SEH1L: variants seen among roughly 807,000 people sequenced by gnomAD.
SEH1L encodes SEH1 like nucleoporin.
SEH1L carries 18 observed loss-of-function variants against 49.5 expected under a neutral mutation model. The observed-to-expected ratio is 0.36, with a 90% CI of 0.25 to 0.54. The LOEUF is 0.54. SEH1L is among the 20% of genes least tolerant of loss of function. The probability of loss-of-function intolerance (pLI) is 0.87; values close to 1 mark genes in which losing one functional copy is unlikely to be tolerated. For missense variants in SEH1L, 404 were observed against 528.8 expected, an observed-to-expected ratio of 0.76 and a Z score of 2.31; for synonymous variants, 169 against 178.1, an observed-to-expected ratio of 0.95 and a Z score of 0.41.
rs2031128049 is a variant in SEH1L, at chr18:12,960,619, G to C, written c.310-2541G>C. Among the ~76,000 whole-genome samples, 3 of 152,318 alleles carry C rather than the reference G, an allele frequency of 2.0e-5. No homozygotes were observed. The South Asian group carries it at 6.2e-4, about 32-fold the overall frequency. On this transcript the variant is annotated intron_variant, in intron 3 of 8. Coordinates refer to ENST00000399892, the MANE Select transcript of SEH1L (RefSeq NM_001013437.2). The stretch of plus-strand genomic sequence containing the variant: ...CACTAGGGCTTCCCTAAGCCAAACA[G>C]CTGCTTATGGGGAGGAAGGAATAGA...
chr18:12,973,446 C>G (rs543228124), intron 5 of SEH1L: 1 of 152,024 alleles, frequency 6.6e-6, no homozygotes, highest in African/African-American at 2.4e-5. Context: ...ATTACAAGTG[C>G]GTGCCACCAC....
rs371893373 is a variant in SEH1L, at chr18:12,963,407, G to A, written c.521+36G>A. 11 of 1,506,174 alleles carry A rather than the reference G, an allele frequency of 7.3e-6. No homozygotes were observed. In the African/African-American group the frequency reaches 1.5e-4, roughly 21 times the overall value. 93.3% of individuals were successfully genotyped at this position (1,506,174 alleles called of 1,614,324 possible). On this transcript the variant is annotated intron_variant, in intron 4 of 8. Transcript: ENST00000399892. Reference sequence around the variant, plus strand: ...ATATTAAACCTCTGATAACATCCTAGTAAAATAAACTAGTAACTTTTAAGC... The same window carrying A: ...ATATTAAACCTCTGATAACATCCTAATAAAATAAACTAGTAACTTTTAAGC...
At chr18:12,982,761 G>A (rs12955780) in intron 7 of SEH1L, 86 bp downstream of exon 7, 693,306 of 1,074,268 alleles carry the variant, frequency 0.65, 229,307 homozygotes, top group African/African-American at 0.93. Flanking sequence ...AATATTTTTT[G>A]AAAATGGTCT....
Position 12,948,161 on chromosome 18 carries a change from C to T in SEH1L, c.40C>T (p.Leu14Phe). ...ARSIAADHKD[L>F]IHDVSFDFHG... ...CAGCATCGCGGCGGACCACAAGGAT[C>T]TCATCCACGATGTCTCTTTCGACTT... is the stretch of plus-strand genomic sequence containing the variant. Residue 14 changes from leucine to phenylalanine, a missense_variant, in exon 1 of 9, where the codon CTC becomes TTC. By Grantham distance (22) the Leu-to-Phe change is conservative (BLOSUM62 0). Around this residue, in one of 3 missense-constraint regions of SEH1L, gnomAD observed 57 missense variants for 71.9 expected, o/e 0.79. Coordinates refer to ENST00000399892, the MANE Select transcript of SEH1L (RefSeq NM_001013437.2). The T allele has an allele frequency of 6.2e-7, 1 of 1,611,156 alleles. No individual in the cohort carries two copies. Among genetic ancestry groups the T allele is most frequent in the Non-Finnish European group, 8.5e-7 (1 of 1,179,182 alleles).
chr18:12,975,603 CAG>C (rs879325340), intron 5 of SEH1L: 110 of 558,776 alleles, frequency 2.0e-4, no homozygotes, highest in South Asian at 9.4e-4. Context: ...AGGAGAGAGA[CAG>C]GGGAGGGGCA....
At chr18:12,951,969 C>T in intron 2 of SEH1L, 64 bp downstream of exon 2, 2 of 913,102 alleles carry the variant, frequency 2.2e-6, no homozygotes, top group South Asian at 3.3e-5. Flanking sequence ...TTATAGTTAT[C>T]TATGAATTGT....
At chr18:12,986,814 C>CTTT in intron 8 of SEH1L, 48 bp from the exon 9 acceptor site, 1 of 913,810 alleles carries the variant, frequency 1.1e-6, no homozygotes, top group Non-Finnish European at 1.3e-6. Context: ...TTTTTTTTTT[C>CTTT]CTGTTTTTGT....
chr18:12,968,586 G>T (rs570837659), intron 4 of SEH1L, among the ~76,000 whole-genome samples: 5 of 152,234 alleles, frequency 3.3e-5, no homozygotes, highest in African/African-American at 1.2e-4. Context: ...TGGTGATACG[G>T]ACTCTTTTTT....
At chr18:12,949,399 T>C (rs2145597845) in intron 1 of SEH1L, among the ~76,000 whole-genome samples, 1 of 150,506 alleles carries the variant, frequency 6.6e-6, no homozygotes, top group East Asian at 2.0e-4. Flanking sequence ...GTAGTTTCTT[T>C]TTTAAAACAA....
chr18:12,981,094 A>G (rs1478305143), intron 6 of SEH1L, among the ~76,000 whole-genome samples: 17 of 149,732 alleles, frequency 1.1e-4, no homozygotes, highest in Admixed American at 1.1e-3. Flanking sequence ...GGGTCTCCTC[A>G]CTTCTCAGAC....
At chr18:12,986,101 G>A (rs1237232185) in intron 8 of SEH1L, 1 of 984,736 alleles carries the variant, frequency 1.0e-6, no homozygotes, top group Non-Finnish European at 1.2e-6. Flanking sequence ...CTAAAATTGT[G>A]CATGTAAATT....
At chr18:12,957,423 C>T (rs1317998582) in intron 3 of SEH1L, among the ~76,000 whole-genome samples, 2 of 139,200 alleles carry the variant, frequency 1.4e-5, no homozygotes. Context: ...AGCGAGACTT[C>T]GTCTCAAAAA....
chr18:12,958,743 T>C (rs2031026136), intron 3 of SEH1L, among the ~76,000 whole-genome samples: 1 of 152,254 alleles, frequency 6.6e-6, no homozygotes, highest in Non-Finnish European at 1.5e-5. Context: ...GTTTATCCAT[T>C]CATTTGTAGA....
At chr18:12,982,005 G>A (rs1304040536) in intron 6 of SEH1L, among the ~76,000 whole-genome samples, 4 of 151,634 alleles carry the variant, frequency 2.6e-5, no homozygotes, top group South Asian at 2.1e-4. Context: ...GACTACAGGC[G>A]CCCGCCACCA....
At chr18:12,950,776 T>C (rs1257255045) in intron 1 of SEH1L, among the ~76,000 whole-genome samples, 1 of 152,184 alleles carries the variant, frequency 6.6e-6, no homozygotes, top group Non-Finnish European at 1.5e-5. Context: ...ACAGGTGAAA[T>C]TGGCACCTTC....
intron 4 of SEH1L, among the ~76,000 whole-genome samples, chr18:12,968,658 C>A (rs1259397151): frequency 1.3e-5 from 2 of 152,102 alleles, no homozygotes; most frequent in Non-Finnish European, 2.9e-5. Context: ...CTCCAAATTT[C>A]TTGATTTCTA....
chr18:12,964,547 T>A (rs2145628784), intron 4 of SEH1L: 1 of 152,174 alleles, frequency 6.6e-6, no homozygotes, highest in Non-Finnish European at 1.5e-5. Context: ...TTGTTGGAGT[T>A]ATACTGGTAA....
chr18:12,979,025 A>T, intron 6 of SEH1L, 133 bp downstream of exon 6: 2 of 866,834 alleles, frequency 2.3e-6, no homozygotes, highest in Non-Finnish European at 3.5e-6. Context: ...AAAAATGTAA[A>T]CTTTGAAATG....
At chr18:12,967,411 A>G (rs1439949538) in intron 4 of SEH1L, among the ~76,000 whole-genome samples, 1 of 152,250 alleles carries the variant, frequency 6.6e-6, no homozygotes, top group East Asian at 1.9e-4. Flanking sequence ...AACACCAGAC[A>G]GCACTTCAGC....
Sources: gnomAD v4.1 joint callset for allele counts (sites outside exome capture counted in the v4.1 genomes callset) on GRCh38, gnomAD v4.1.1 for gene constraint, gnomAD v4.1.1 regional missense constraint, MANE v1.5 for transcripts, NCBI Gene and HGNC (gene_info 2026-07-23, HGNC 2026-07-21) for gene names.